KSR2: variants seen among roughly 807,000 people sequenced by gnomAD.
The protein encoded by KSR2 is kinase suppressor of ras 2.
Under a neutral mutation model 107.8 loss-of-function variants are expected in KSR2, and 25 were observed. The ratio of observed to expected loss-of-function variants is 0.23; its 90% CI spans 0.17 to 0.32. The LOEUF (loss-of-function observed/expected upper bound fraction) is 0.32, where lower values mean the gene tolerates loss of function less well. Among genes scored for constraint, KSR2 ranks in the 10% least tolerant of loss-of-function variants. KSR2 has a pLI of 1.00. For missense variants in KSR2, 887 were observed against 1,268.9 expected (o/e 0.70, Z 4.57); for synonymous variants, 480 against 507.0 (o/e 0.95, Z 0.71).
intron 3 of KSR2, among the ~76,000 whole-genome samples, chr12:117,823,455 G>C (rs974366389): frequency 3.3e-5 from 5 of 152,040 alleles, no homozygotes; most frequent in African/African-American, 1.2e-4. Flanking sequence ...GAGGAGTGAG[G>C]GTCGGGCTGG....
chr12:117,617,786 C>T (rs546994063), intron 5 of KSR2, among the ~76,000 whole-genome samples: 3 of 152,198 alleles, frequency 2.0e-5, no homozygotes, highest in Middle Eastern at 6.8e-3. Context: ...CGTGTATGCA[C>T]GTGCCAAAAC....
chr12:117,850,830 G>T (rs1892895012), intron 3 of KSR2, among the ~76,000 whole-genome samples: 1 of 150,574 alleles, frequency 6.6e-6, no homozygotes, highest in South Asian at 2.1e-4. Context: ...AAATACACAT[G>T]TATTGAACCA....
At chr12:117,853,611 G>A (rs1028576364) in intron 3 of KSR2, among the ~76,000 whole-genome samples, 1 of 152,062 alleles carries the variant, frequency 6.6e-6, no homozygotes, top group African/African-American at 2.4e-5. Context: ...CAAAGTGCTG[G>A]GATTACAGGT....
intron 4 of KSR2, among the ~76,000 whole-genome samples, chr12:117,698,033 G>A (rs1565967035): frequency 6.6e-6 from 1 of 152,188 alleles, no homozygotes; most frequent in East Asian, 1.9e-4. Context: ...GCTTCTAGAG[G>A]CCGAAGAACA....
rs188302966 is a variant in KSR2, at chr12:117,492,461, G to A, written c.2220-6770C>T. ...TTTTCTGGGAGCAGCCACCTCTGAG[G>A]ACTGACACCCTGGCTCCCAGCCCAG... On this transcript the variant is annotated intron_variant, in intron 14 of 19. Coordinates refer to ENST00000339824, the MANE Select transcript of KSR2 (RefSeq NM_173598.6). 1.6e-3 allele frequency among the ~76,000 whole-genome samples: 239 copies of A among 149,154 alleles called. 1 individual carries two copies. Among genetic ancestry groups the A allele is most frequent in the Middle Eastern group, 3.4e-3 (1 of 292 alleles).
At chr12:117,794,311 AC>A (rs1652845674) in intron 3 of KSR2, among the ~76,000 whole-genome samples, 1 of 106,810 alleles carries the variant, frequency 9.4e-6, no homozygotes, top group Non-Finnish European at 1.8e-5. Flanking sequence ...ATGCACACAC[AC>A]CAACATGCAC....
chr12:117,793,682 A>G (rs796729047), intron 3 of KSR2, among the ~76,000 whole-genome samples: 3 of 149,566 alleles, frequency 2.0e-5, no homozygotes, highest in African/African-American at 7.4e-5. Context: ...TGCACACACC[A>G]ACATGCACAC....
intron 14 of KSR2, among the ~76,000 whole-genome samples, chr12:117,503,840 A>G (rs923301478): frequency 6.6e-6 from 1 of 152,220 alleles, no homozygotes; most frequent in Non-Finnish European, 1.5e-5. Context: ...ACAACAGCAA[A>G]ATCAGCAAAA....
intron 5 of KSR2, among the ~76,000 whole-genome samples, chr12:117,619,083 C>T (rs74963408): frequency 0.026 from 3,887 of 152,206 alleles, 57 homozygotes; most frequent in Non-Finnish European, 0.038. Context: ...CTTCAAGAAA[C>T]CTTCTAGGAG....
At chr12:117,861,041 A>C (rs1163846927) in intron 1 of KSR2, among the ~76,000 whole-genome samples, 1 of 152,022 alleles carries the variant, frequency 6.6e-6, no homozygotes. Context: ...TTGATCCAAC[A>C]ATTCCATTTG....
chr12:117,859,382 G>A (rs1002194913), intron 2 of KSR2, among the ~76,000 whole-genome samples: 1 of 151,572 alleles, frequency 6.6e-6, no homozygotes, highest in African/African-American at 2.4e-5. Context: ...CTGACCTCAA[G>A]TGATCTGCCA....
chr12:117,773,340 T>C (rs1475212719), intron 3 of KSR2, among the ~76,000 whole-genome samples: 1 of 152,188 alleles, frequency 6.6e-6, no homozygotes, highest in Non-Finnish European at 1.5e-5. Flanking sequence ...TAAAGACATT[T>C]CAAGGTGTAG....
rs765001715 is a variant in KSR2 at position 117,833,061 on chromosome 12, G to A, written c.472+22367C>T. ...GGTGGTGGAGGCGGGAAGGTGGGGC[G>A]GTATGTAGTGGTGGTTTCACCCTAA... is the stretch of plus-strand genomic sequence containing the variant. On this transcript the variant is annotated intron_variant, in intron 3 of 19. Coordinates refer to ENST00000339824, the MANE Select transcript of KSR2 (RefSeq NM_173598.6). Among the ~76,000 whole-genome samples, 4 of 152,106 alleles carry A rather than the reference G, an allele frequency of 2.6e-5. No homozygotes were observed. The East Asian group carries it at 5.8e-4, about 22-fold the overall frequency.
At chr12:117,634,434 T>A (rs989935845) in intron 5 of KSR2, among the ~76,000 whole-genome samples, 2 of 152,102 alleles carry the variant, frequency 1.3e-5, no homozygotes, top group African/African-American at 2.4e-5. Context: ...AGTACCAAAC[T>A]TTTTGACAAC....
chr12:117,494,478 T>C (rs995295223), intron 14 of KSR2, among the ~76,000 whole-genome samples: 1 of 152,198 alleles, frequency 6.6e-6, no homozygotes, highest in South Asian at 2.1e-4. Flanking sequence ...AAAATGCTGA[T>C]GCTGGGGGTC....
chr12:117,555,534 GT>G (rs1427042604), intron 8 of KSR2, among the ~76,000 whole-genome samples: 1 of 152,136 alleles, frequency 6.6e-6, no homozygotes, highest in Non-Finnish European at 1.5e-5. Context: ...AAGCTATCAG[GT>G]TTTTTTAAAA....
At chr12:117,899,448 A>G (rs1026985583) in intron 1 of KSR2, among the ~76,000 whole-genome samples, 1 of 152,200 alleles carries the variant, frequency 6.6e-6, no homozygotes, top group Non-Finnish European at 1.5e-5. Context: ...AGCTATGATC[A>G]TGCCACTGCA....
At chr12:117,478,504 A>T (rs948308397) in intron 16 of KSR2, among the ~76,000 whole-genome samples, 3 of 152,102 alleles carry the variant, frequency 2.0e-5, no homozygotes, top group African/African-American at 4.8e-5. Flanking sequence ...GTGAGATCAT[A>T]GTTCATGGTC....
chr12:117,778,503 A>T (rs1451103124), intron 3 of KSR2, among the ~76,000 whole-genome samples: 2 of 152,240 alleles, frequency 1.3e-5, no homozygotes, highest in African/African-American at 4.8e-5. Flanking sequence ...CGCTATAGTC[A>T]AAATTCTATT....
Sources: gnomAD v4.1 joint callset for allele counts (sites outside exome capture counted in the v4.1 genomes callset) on GRCh38, gnomAD v4.1.1 for gene constraint, MANE v1.5 for transcripts, NCBI Gene and HGNC (gene_info 2026-07-23, HGNC 2026-07-21) for gene names.